The following TENT2 variants were observed in gnomAD, a reference collection of about 807,000 sequenced individuals.
The protein encoded by TENT2 is terminal nucleotidyltransferase 2.
Under a neutral mutation model 72.2 loss-of-function variants are expected in TENT2, and 44 were observed. That is an observed-to-expected ratio of 0.61 (90% CI 0.48 to 0.78). The LOEUF is 0.78. Ranked by LOEUF, TENT2 falls within the 30% of genes least tolerant of loss-of-function variation. TENT2 has a pLI of 0.00. For synonymous variants in TENT2, 212 were observed against 192.5 expected (o/e 1.10, Z -0.84); for missense variants, 541 against 569.6 (o/e 0.95, Z 0.51).
chr5:79,674,591 T>C (rs1024425609), intron 12 of TENT2, among the ~76,000 whole-genome samples: 4 of 152,222 alleles, frequency 2.6e-5, no homozygotes, highest in Non-Finnish European at 4.4e-5. Flanking sequence ...TTAGGAGATA[T>C]ATACTGAAGG....
At chr5:79,616,882 A>T (rs1486142401) in intron 1 of TENT2, among the ~76,000 whole-genome samples, 4 of 152,158 alleles carry the variant, frequency 2.6e-5, no homozygotes, top group Non-Finnish European at 5.9e-5. Flanking sequence ...TTTGTCCACA[A>T]TCTGTTATGA....
chr5:79,681,012 A>G (rs889235270), intron 13 of TENT2, among the ~76,000 whole-genome samples: 3 of 151,932 alleles, frequency 2.0e-5, no homozygotes, highest in Non-Finnish European at 4.4e-5. Context: ...GTGAACATGG[A>G]AAGTATATAT....
At chr5:79,645,299 T>A in intron 8 of TENT2, 107 bp downstream of exon 8, 1 of 892,734 alleles carries the variant, frequency 1.1e-6, no homozygotes, top group Non-Finnish European at 1.6e-6. Context: ...CAGTTTATTT[T>A]AATCAGTTTT....
intron 4 of TENT2, among the ~76,000 whole-genome samples, chr5:79,640,069 C>A (rs1055686571): frequency 1.3e-5 from 2 of 151,980 alleles, no homozygotes; most frequent in Non-Finnish European, 2.9e-5. Flanking sequence ...GCAGCCTGGG[C>A]AGCATGGCAA....
intron 1 of TENT2, among the ~76,000 whole-genome samples, chr5:79,613,636 G>C (rs908214160): frequency 4.6e-5 from 7 of 152,186 alleles, no homozygotes; most frequent in Admixed American, 2.0e-4. Flanking sequence ...AATTATGTCT[G>C]TTCTGGAAAT....
At chr5:79,651,173 T>G (rs535222110) in intron 10 of TENT2, among the ~76,000 whole-genome samples, 1 of 151,274 alleles carries the variant, frequency 6.6e-6, no homozygotes, top group African/African-American at 2.4e-5. Context: ...TGGCTTTTGT[T>G]TTTTTTGCAA....
intron 12 of TENT2, among the ~76,000 whole-genome samples, chr5:79,669,867 T>C (rs1034502163): frequency 6.6e-6 from 1 of 152,130 alleles, no homozygotes; most frequent in African/African-American, 2.4e-5. Context: ...TGGTATATTA[T>C]GCCCATTTTA....
At chr5:79,620,413 G>A (rs1277522922) in intron 3 of TENT2, among the ~76,000 whole-genome samples, 3 of 152,060 alleles carry the variant, frequency 2.0e-5, no homozygotes, top group Non-Finnish European at 4.4e-5. Context: ...AAATGAGATG[G>A]CCTGTATTCA....
chr5:79,671,916 A>G (rs1813234085), intron 12 of TENT2, among the ~76,000 whole-genome samples: 1 of 152,040 alleles, frequency 6.6e-6, no homozygotes, highest in African/African-American at 2.4e-5. Flanking sequence ...CAGCCTGGGC[A>G]ACATGGCAAA....
At chr5:79,673,239 T>TG (rs1446821637) in intron 12 of TENT2, among the ~76,000 whole-genome samples, 1 of 152,236 alleles carries the variant, frequency 6.6e-6, no homozygotes, top group Non-Finnish European at 1.5e-5. Context: ...TCTCATTCTA[T>TG]GGGTTTGTCT....
chr5:79,621,358 A>G (rs1204832735), intron 3 of TENT2, among the ~76,000 whole-genome samples: 2 of 152,226 alleles, frequency 1.3e-5, no homozygotes, highest in East Asian at 3.8e-4. Flanking sequence ...GTTCTTCAAA[A>G]TTGTCATTGA....
At chr5:79,666,267 G>A (rs1253645362) in intron 11 of TENT2, among the ~76,000 whole-genome samples, 1 of 152,082 alleles carries the variant, frequency 6.6e-6, no homozygotes, top group Non-Finnish European at 1.5e-5. Flanking sequence ...GGGATTACAG[G>A]CATGAGCCAC....
chr5:79,678,824 TAAC>T (rs1435988671), intron 12 of TENT2, among the ~76,000 whole-genome samples: 1 of 152,240 alleles, frequency 6.6e-6, no homozygotes, highest in Non-Finnish European at 1.5e-5. Flanking sequence ...ACTTCTGTCT[TAAC>T]AAATAACAGA....
intron 12 of TENT2, among the ~76,000 whole-genome samples, chr5:79,671,795 A>T (rs891381630): frequency 6.6e-6 from 1 of 152,238 alleles, no homozygotes; most frequent in East Asian, 1.9e-4. Context: ...GAAGTTTTAT[A>T]TGGTCATTTA....
At chr5:79,614,383 G>A (rs1440962628) in intron 1 of TENT2, among the ~76,000 whole-genome samples, 1 of 152,122 alleles carries the variant, frequency 6.6e-6, no homozygotes, top group African/African-American at 2.4e-5. Context: ...GATTACAGGC[G>A]TGAGCCACTG....
chr5:79,640,210 C>T lies in TENT2; in HGVS notation c.466-641C>T, dbSNP rs1240656939. ...GGCTGAGGTTGCAGTGAGCCGAGAT[C>T]GCACCACTGCATTCCAGCCTAGGTG... On this transcript the variant is annotated intron_variant, in intron 4 of 14. Transcript: ENST00000453514. Among the ~76,000 whole-genome samples the T allele has an allele frequency of 3.3e-5, 5 of 150,342 alleles. No homozygotes were observed. The East Asian group carries it at 7.8e-4, about 23-fold the overall frequency.
chr5:79,622,809 T>C (rs1418898615), intron 3 of TENT2, among the ~76,000 whole-genome samples: 1 of 152,352 alleles, frequency 6.6e-6, no homozygotes. Context: ...GAAAAGTGTT[T>C]CTTAATTGGT....
At chr5:79,630,489 A>ATT (rs1034882237) in intron 4 of TENT2, among the ~76,000 whole-genome samples, 1 of 152,148 alleles carries the variant, frequency 6.6e-6, no homozygotes. Context: ...GAGGCAGAGA[A>ATT]TTGCTTGAAC....
intron 10 of TENT2, 46 bp downstream of exon 10, chr5:79,649,236 C>T (rs1643235107): frequency 6.4e-7 from 1 of 1,561,072 alleles, no homozygotes; most frequent in Non-Finnish European, 8.8e-7. Flanking sequence ...TAAAAGACAG[C>T]TTTATTATGG....
Sources: allele counts gnomAD v4.1 joint callset (sites outside exome capture counted in the v4.1 genomes callset), GRCh38; gene constraint gnomAD v4.1.1; transcripts MANE v1.5; gene names NCBI Gene and HGNC (gene_info 2026-07-23, HGNC 2026-07-21).